The following PRMT2 variants were observed in gnomAD, a reference collection of about 807,000 sequenced individuals.
The protein encoded by PRMT2 is protein arginine N-methyltransferase 2.
In PRMT2, 26 loss-of-function variants were observed where a neutral mutation model predicts 57.6. The ratio of observed to expected loss-of-function variants is 0.45; its 90% CI spans 0.33 to 0.63. The LOEUF (loss-of-function observed/expected upper bound fraction) is 0.63, where lower values mean the gene tolerates loss of function less well. PRMT2 is among the 20% of genes least tolerant of loss of function. The pLI is 0.02. For missense variants in PRMT2, 472 were observed against 564.4 expected (o/e 0.84, Z 1.66); for synonymous variants, 219 against 220.0 (o/e 1.00, Z 0.04).
At chr21:46,662,872 G>A (rs2061651643) in intron 10 of PRMT2, among the ~76,000 whole-genome samples, 1 of 152,208 alleles carries the variant, frequency 6.6e-6, no homozygotes, top group Non-Finnish European at 1.5e-5. Flanking sequence ...GCGACTCCTT[G>A]GACCTGATTC....
rs17305503 is a variant in PRMT2, at chr21:46,635,747, G to C, written c.-182G>C. 0.058 allele frequency: 8,880 copies of C among 152,544 alleles called. 420 individuals carry two copies. Among genetic ancestry groups the C allele is most frequent in the Non-Finnish European group, 0.087 (5,936 of 68,162 alleles). The allele number at this position is 152,544 out of a possible 1,614,324, so 9.4% of individuals were successfully genotyped here. A position where few individuals can be genotyped will look rare whatever the true frequency, so the allele number is the denominator to read the frequency against. On this transcript the variant is annotated 5_prime_UTR_variant, in exon 1 of 12. Transcript: ENST00000355680. Reference sequence around the variant, plus strand: ...TGGCGGTGTGGACGCGGAACTCAGCGGAGAAACGCGATTGAGGTAGGTGTC... The same window carrying C: ...TGGCGGTGTGGACGCGGAACTCAGCCGAGAAACGCGATTGAGGTAGGTGTC...
chr21:46,649,732 G>C lies in PRMT2; in HGVS notation c.647G>C (p.Cys216Ser), dbSNP rs769294474. Reference sequence around the variant, plus strand: ...CTGGTGTCTGAGTGGATGGGGACCTGCCTGCTGGTGAGGGCGGGCGTGCGG... The same window carrying C: ...CTGGTGTCTGAGTGGATGGGGACCTCCCTGCTGGTGAGGGCGGGCGTGCGG... The part of the protein sequence containing the change: ...DVLVSEWMGT[C>S]LLFEFMIESI... The change falls in exon 7 of 12, where the codon TGC becomes TCC. Residue 216 changes from cysteine to serine, a missense_variant. Cys to Ser is a moderately radical substitution (Grantham distance 112). Transcript: ENST00000355680. This position sits in a 1 kb window ranked among gnomAD's most constrained non-coding sequence, Gnocchi z 4.8. The C allele has an allele frequency of 6.2e-7, 1 of 1,613,420 alleles. No individual in the cohort carries two copies. Among genetic ancestry groups the C allele is most frequent in the Non-Finnish European group, 8.5e-7 (1 of 1,179,768 alleles).
At chr21:46,640,043 T>G (rs900765990) in intron 3 of PRMT2, among the ~76,000 whole-genome samples, 2 of 152,218 alleles carry the variant, frequency 1.3e-5, no homozygotes, top group Non-Finnish European at 2.9e-5. Flanking sequence ...CTTTTTATAT[T>G]GTTTTAGTGT....
chr21:46,656,076 C>A (rs1391754621), intron 7 of PRMT2, among the ~76,000 whole-genome samples: 1 of 152,060 alleles, frequency 6.6e-6, no homozygotes, highest in African/African-American at 2.4e-5. Flanking sequence ...GGGTGTGGAT[C>A]CCTCATGAAT....
At chr21:46,661,140 T>C (rs2061613957) in intron 9 of PRMT2, 178 bp downstream of exon 9, 1 of 595,854 alleles carries the variant, frequency 1.7e-6, no homozygotes, top group East Asian at 3.3e-5. Flanking sequence ...TTTTCCAGTC[T>C]TTTTTCTTTT....
intron 5 of PRMT2, among the ~76,000 whole-genome samples, chr21:46,647,429 C>T (rs1229193995): frequency 6.6e-6 from 1 of 152,060 alleles, no homozygotes; most frequent in Non-Finnish European, 1.5e-5. Context: ...AAAAACCTTC[C>T]TCACTATAAG....
chr21:46,658,638 C>G (rs2061573704), intron 7 of PRMT2, 107 bp from the exon 8 acceptor site: 2 of 1,532,554 alleles, frequency 1.3e-6, no homozygotes, highest in Admixed American at 2.0e-5. Flanking sequence ...ATTCTTGAGG[C>G]TAAAACTGTA....
chr21:46,658,625 A>C (rs2061573591), intron 7 of PRMT2, 120 bp from the exon 8 acceptor site: 16 of 1,505,820 alleles, frequency 1.1e-5, no homozygotes, highest in Non-Finnish European at 1.4e-5. Flanking sequence ...CCTAGGCAGG[A>C]ATATTCTTGA....
In PRMT2 at chr21:46,664,460, A is replaced by C; in HGVS notation, c.*133A>C. On this transcript the variant is annotated 3_prime_UTR_variant, in exon 12 of 12. Transcript: ENST00000355680. ...ATTCACTCCACATTGACCCCTCCCT[A>C]GCCTGGCAGGTGACGTCAGGGTCCT... The C allele has an allele frequency of 8.4e-7, 1 of 1,191,282 alleles. No individual in the cohort carries two copies. Among genetic ancestry groups the C allele is most frequent in the Non-Finnish European group, 1.2e-6 (1 of 813,438 alleles). 73.8% of individuals were successfully genotyped at this position (1,191,282 alleles called of 1,614,324 possible).
intron 11 of PRMT2, 64 bp from the exon 12 acceptor site, chr21:46,664,230 GA>G (rs2149008575): frequency 7.3e-7 from 1 of 1,364,668 alleles, no homozygotes; most frequent in South Asian, 1.2e-5. Context: ...AAACCATTAG[GA>G]AATGTAGTAT....
intron 7 of PRMT2, chr21:46,653,715 GCA>G: frequency 2.4e-6 from 3 of 1,249,156 alleles, no homozygotes; most frequent in Non-Finnish European, 2.0e-6. Context: ...GTGCCCACAC[GCA>G]CACACACAAA....
rs368197917 is a variant in PRMT2 at position 46,652,509 on chromosome 21, A to T, written c.654+2770A>T. On this transcript the variant is annotated intron_variant, in intron 7 of 11. Coordinates refer to ENST00000355680, the MANE Select transcript of PRMT2 (RefSeq NM_206962.4). ...AGGCCAGGAGCTTGAACGTTGTTCAATGCCACCAACAATTTGAAAGTAACT... is the reference window on the plus strand; with the variant it reads ...AGGCCAGGAGCTTGAACGTTGTTCATTGCCACCAACAATTTGAAAGTAACT... 1.8e-5 allele frequency: 18 copies of T among 985,328 alleles called. No individual in the cohort carries two copies. The Admixed American group carries it at 4.3e-4, about 24-fold the overall frequency. 61.0% of individuals were successfully genotyped at this position (985,328 alleles called of 1,614,324 possible). A position where few individuals can be genotyped will look rare whatever the true frequency, so the allele number is the denominator to read the frequency against.
chr21:46,660,168 A>C, intron 8 of PRMT2: 1 of 978,400 alleles, frequency 1.0e-6, no homozygotes, highest in South Asian at 4.7e-5. Context: ...TGCTTTGCTT[A>C]TTTTTTACAA....
intron 9 of PRMT2, chr21:46,661,568 G>GA (rs2061622326): frequency 4.7e-6 from 1 of 210,972 alleles, no homozygotes; most frequent in Non-Finnish European, 7.3e-6. Flanking sequence ...AGATTCCGCA[G>GA]AATCTGGGGT....
At chr21:46,653,723 A>C (rs2061497212) in intron 7 of PRMT2, 1 of 1,235,974 alleles carries the variant, frequency 8.1e-7, no homozygotes, top group Non-Finnish European at 1.0e-6. Context: ...ACGCACACAC[A>C]CAAAACCATC....
intron 7 of PRMT2, chr21:46,650,026 C>CT: frequency 7.4e-7 from 1 of 1,343,924 alleles, no homozygotes; most frequent in East Asian, 2.5e-5. Context: ...AATCCTGTGC[C>CT]TAACAGGTAA....
chr21:46,639,708 TTG>T (rs538598625), intron 3 of PRMT2, among the ~76,000 whole-genome samples: 83 of 148,962 alleles, frequency 5.6e-4, no homozygotes, highest in African/African-American at 1.5e-3. Flanking sequence ...GTGTGTGTGT[TTG>T]TGTGTGTGTG....
chr21:46,653,997 A>G, intron 7 of PRMT2: 1 of 998,092 alleles, frequency 1.0e-6, no homozygotes, highest in Non-Finnish European at 1.2e-6. Context: ...AATGCAGCAT[A>G]GTTAATCAGC....
intron 3 of PRMT2, among the ~76,000 whole-genome samples, chr21:46,638,258 G>A (rs1287324113): frequency 6.6e-6 from 1 of 152,166 alleles, no homozygotes; most frequent in African/African-American, 2.4e-5. Context: ...GTGTAATGCT[G>A]GTTCAATCCT....
Sources: allele counts gnomAD v4.1 joint callset (sites outside exome capture counted in the v4.1 genomes callset), GRCh38; gene constraint gnomAD v4.1.1; non-coding constraint Gnocchi (gnomAD v3.1); transcripts MANE v1.5; gene names NCBI Gene and HGNC (gene_info 2026-07-23, HGNC 2026-07-21).